The following RTN4RL1 variants were observed in gnomAD, a reference collection of about 807,000 sequenced individuals.
RTN4RL1 encodes the protein reticulon 4 receptor like 1.
RTN4RL1 carries 7 observed loss-of-function variants against 25.6 expected under a neutral mutation model. The observed-to-expected ratio is 0.27, with a 90% CI of 0.16 to 0.51. The LOEUF is 0.51. Ranked by LOEUF, RTN4RL1 falls within the 20% of genes least tolerant of loss-of-function variation. The pLI is 0.97. For synonymous variants in RTN4RL1, 297 were observed against 288.2 expected (o/e 1.03, Z -0.31); for missense variants, 500 against 615.6 (o/e 0.81, Z 1.99).
At chr17:2,014,762 AC>A (rs1481041793) in intron 1 of RTN4RL1, among the ~76,000 whole-genome samples, 2 of 151,964 alleles carry the variant, frequency 1.3e-5, no homozygotes, top group Admixed American at 6.6e-5. Flanking sequence ...AATCTGGGAG[AC>A]AGAGGTTGCA....
chr17:2,020,368 TTGCC>T (rs1337794292), intron 1 of RTN4RL1: 1 of 152,170 alleles, frequency 6.6e-6, no homozygotes, highest in African/African-American at 2.4e-5. Context: ...CAAGTCTTGG[TTGCC>T]CCCAGAGAGA....
chr17:1,982,161 C>T lies in RTN4RL1; in HGVS notation c.13+42692G>A, dbSNP rs879285320. On this transcript the variant is annotated intron_variant, in intron 1 of 1. Coordinates refer to ENST00000331238, the MANE Select transcript of RTN4RL1 (RefSeq NM_178568.4). ...CTAAAAACTACAAAAATTAGCTGGG[C>T]GTGGTGGAGAGTGCCTGTAATCCCA... 2.0e-4 allele frequency among the ~76,000 whole-genome samples: 30 copies of T among 151,814 alleles called. 1 individual carries two copies. Among genetic ancestry groups the T allele is most frequent in the Non-Finnish European group, 2.9e-4 (20 of 68,016 alleles).
intron 1 of RTN4RL1, among the ~76,000 whole-genome samples, chr17:1,970,113 C>T (rs2066811926): frequency 6.6e-6 from 1 of 151,800 alleles, no homozygotes. Flanking sequence ...CCTCCGCCTC[C>T]CAGGTTCAAG....
chr17:2,022,740 C>G (rs746406237), intron 1 of RTN4RL1, among the ~76,000 whole-genome samples: 2 of 152,254 alleles, frequency 1.3e-5, no homozygotes, highest in Non-Finnish European at 1.5e-5. Context: ...TGAGCCCAGC[C>G]CAGTGAAGGG....
chr17:2,000,450 C>A (rs2066951944), intron 1 of RTN4RL1, among the ~76,000 whole-genome samples: 1 of 152,212 alleles, frequency 6.6e-6, no homozygotes, highest in East Asian at 1.9e-4. Context: ...TCTAGCGATT[C>A]TCAAGTCTCA....
chr17:2,013,511 G>A (rs2067076958), intron 1 of RTN4RL1, among the ~76,000 whole-genome samples: 1 of 152,180 alleles, frequency 6.6e-6, no homozygotes, highest in African/African-American at 2.4e-5. Context: ...ACCACCACAG[G>A]AACAAGACTC....
chr17:1,944,186 C>T (rs9889703), intron 1 of RTN4RL1, among the ~76,000 whole-genome samples: 4,010 of 151,966 alleles, frequency 0.026, 167 homozygotes, highest in African/African-American at 0.091. Flanking sequence ...GGATTACAGG[C>T]GCGAGCTACC....
intron 1 of RTN4RL1, among the ~76,000 whole-genome samples, chr17:1,939,081 A>T (rs112838220): frequency 6.6e-6 from 1 of 150,684 alleles, no homozygotes; most frequent in Non-Finnish European, 1.5e-5. Flanking sequence ...GGCCGGGAGC[A>T]GTGGCTCACA....
chr17:1,955,978 A>G (rs1320807436), intron 1 of RTN4RL1, among the ~76,000 whole-genome samples: 1 of 152,182 alleles, frequency 6.6e-6, no homozygotes, highest in African/African-American at 2.4e-5. Flanking sequence ...ACAACCATTG[A>G]CAGAGCCTTG....
chr17:2,012,644 A>T (rs1324755411), intron 1 of RTN4RL1, among the ~76,000 whole-genome samples: 1 of 151,810 alleles, frequency 6.6e-6, no homozygotes, highest in African/African-American at 2.4e-5. Flanking sequence ...TTATGGTTAC[A>T]GAACAATATA....
At chr17:2,011,254 A>AAAAAT (rs1268643357) in intron 1 of RTN4RL1, among the ~76,000 whole-genome samples, 4 of 152,230 alleles carry the variant, frequency 2.6e-5, no homozygotes, top group Non-Finnish European at 5.9e-5. Flanking sequence ...TCCATCTCAA[A>AAAAAT]AAAATAAAAT....
intron 1 of RTN4RL1, among the ~76,000 whole-genome samples, chr17:2,013,897 G>T (rs949189490): frequency 6.6e-6 from 1 of 152,136 alleles, no homozygotes; most frequent in African/African-American, 2.4e-5. Context: ...TTTGAGGTGC[G>T]GGTTCTAGAC....
intron 1 of RTN4RL1, among the ~76,000 whole-genome samples, chr17:2,014,836 G>GA (rs113628933): frequency 0.079 from 10,868 of 138,262 alleles, 591 homozygotes; most frequent in East Asian, 0.27. Flanking sequence ...CATCTCAAAG[G>GA]AAAAAAAAAA....
intron 1 of RTN4RL1, among the ~76,000 whole-genome samples, chr17:1,984,364 G>GCTT (rs1567516676): frequency 6.6e-6 from 1 of 152,126 alleles, no homozygotes; most frequent in African/African-American, 2.4e-5. Flanking sequence ...AGCCGCTGCT[G>GCTT]CTTCTTTTCA....
intron 1 of RTN4RL1, among the ~76,000 whole-genome samples, chr17:2,016,209 C>T (rs968839836): frequency 6.6e-6 from 1 of 152,046 alleles, no homozygotes; most frequent in Non-Finnish European, 1.5e-5. Flanking sequence ...AGTGAAACCC[C>T]GTTTCTACTA....
In RTN4RL1 at chr17:1,998,958, T is replaced by G. The variant is rs889962571; in HGVS notation, c.13+25895A>C. 6.6e-6 allele frequency among the ~76,000 whole-genome samples: 1 copy of G among 152,044 alleles called. No homozygotes were observed. The highest frequency in any genetic ancestry group is 1.5e-5 in the Non-Finnish European group (1 of 67,996). ...AGGGTTCCAGTCGGCTGTGCACAAC[T>G]GAAGAGCTGCTCCCCCTTCCCTGCA... On this transcript the variant is annotated intron_variant, in intron 1 of 1. Coordinates refer to ENST00000331238, the MANE Select transcript of RTN4RL1 (RefSeq NM_178568.4). This position sits in a 1 kb window ranked among gnomAD's most constrained non-coding sequence, Gnocchi z 4.9.
intron 1 of RTN4RL1, among the ~76,000 whole-genome samples, chr17:2,009,017 C>G (rs60535899): frequency 0.35 from 53,178 of 151,962 alleles, 9,636 homozygotes; most frequent in East Asian, 0.55. Flanking sequence ...AGAGTTCATT[C>G]AGGAAATGAC....
At chr17:2,010,097 G>C (rs777983282) in intron 1 of RTN4RL1, among the ~76,000 whole-genome samples, 4 of 127,534 alleles carry the variant, frequency 3.1e-5, no homozygotes, top group Non-Finnish European at 6.6e-5. Flanking sequence ...TAAAATAACC[G>C]CTCTCTGGTC....
chr17:2,022,367 G>C (rs2067219712), intron 1 of RTN4RL1, among the ~76,000 whole-genome samples: 1 of 152,038 alleles, frequency 6.6e-6, no homozygotes, highest in South Asian at 2.1e-4. Context: ...GCCCGAGCTG[G>C]CCTCGAACTC....
Sources: gnomAD v4.1 joint callset for allele counts (sites outside exome capture counted in the v4.1 genomes callset) on GRCh38, gnomAD v4.1.1 for gene constraint, Gnocchi (gnomAD v3.1) non-coding constraint, MANE v1.5 for transcripts, NCBI Gene and HGNC (gene_info 2026-07-23, HGNC 2026-07-21) for gene names.